C8B: variants seen among roughly 807,000 people sequenced by gnomAD.
The protein encoded by C8B is complement C8 beta chain, also known as complement component C8 beta chain.
C8B carries 67 observed loss-of-function variants against 64.6 expected under a neutral mutation model. That is an observed-to-expected ratio of 1.04 (90% CI 0.85 to 1.27). The LOEUF (loss-of-function observed/expected upper bound fraction) is 1.27, where lower values mean the gene tolerates loss of function less well. Among genes scored for constraint, C8B ranks in the 50% most tolerant of loss-of-function variants. C8B has a pLI of 0.00. For missense variants in C8B, 790 were observed against 725.2 expected, an observed-to-expected ratio of 1.09 and a Z score of -1.03; for synonymous variants, 284 against 257.7, an observed-to-expected ratio of 1.10 and a Z score of -0.98.
chr1:56,963,574 G>A, intron 1 of C8B, among the ~76,000 whole-genome samples: 1 of 149,116 alleles, frequency 6.7e-6, no homozygotes, highest in Admixed American at 6.8e-5. Context: ...ACACAATGTG[G>A]AGGTTGGGGG....
At chr1:56,943,454 G>A (rs1012210351) in intron 8 of C8B, among the ~76,000 whole-genome samples, 22 of 152,162 alleles carry the variant, frequency 1.4e-4, no homozygotes, top group African/African-American at 5.3e-4. Context: ...ACATTATGTT[G>A]AATGGAAAAC....
At chr1:56,962,011 A>C (rs1290533773) in intron 1 of C8B, among the ~76,000 whole-genome samples, 1 of 152,196 alleles carries the variant, frequency 6.6e-6, no homozygotes, top group Non-Finnish European at 1.5e-5. Context: ...TGTATTTGAC[A>C]GCTCTGCAGG....
chr1:56,952,147 T>C lies in C8B; in HGVS notation c.567A>G (p.Pro189=). 2.5e-6 allele frequency: 4 copies of C among 1,614,188 alleles called. No individual in the cohort carries two copies. The South Asian group carries it at 3.3e-5, about 13-fold the overall frequency. ...CTGCATAATACCTGTGATCAAGAAC[T>C]GGGCCCTCAAAACTGTTTGTGAACA... ...INLFTNSFEG[P]VLDHRYYAGG... is the part of the protein sequence containing the mutation. Residue 189 remains proline (P), a synonymous_variant, in exon 5 of 12, where the codon CCA becomes CCG. Coordinates refer to ENST00000371237, the MANE Select transcript of C8B (RefSeq NM_000066.4).
At chr1:56,944,572 A>C (rs1644914139) in intron 7 of C8B, among the ~76,000 whole-genome samples, 1 of 152,266 alleles carries the variant, frequency 6.6e-6, no homozygotes, top group Admixed American at 6.5e-5. Flanking sequence ...TCTGTGGTCA[A>C]GAAAGTGTGA....
chr1:56,947,207 T>C (rs1167484986), intron 6 of C8B, among the ~76,000 whole-genome samples: 1 of 152,210 alleles, frequency 6.6e-6, no homozygotes, highest in African/African-American at 2.4e-5. Flanking sequence ...AGCAAAACCT[T>C]GCATGGCTTG....
In C8B at chr1:56,954,793, C is replaced by T. The variant is rs1288393838; in HGVS notation, c.426G>A (p.Gly142=). Residue 142 remains glycine, a synonymous_variant, in exon 4 of 12, where the codon GGG becomes GGA. Coordinates refer to ENST00000371237, the MANE Select transcript of C8B (RefSeq NM_000066.4). ...RCVNRRLLCN[G]DNDCGDQSDE... is the part of the protein sequence containing the mutation. The stretch of plus-strand genomic sequence containing the variant: ...CTGACTGGTCTCCACAGTCATTGTC[C>T]CCATTGCAAAGAAGTCTGCGGTTTA... 1.9e-6 allele frequency: 3 copies of T among 1,614,090 alleles called. No homozygotes were observed. The highest frequency in any genetic ancestry group is 3.3e-5 in the Admixed American group (2 of 60,018).
At position 56,945,946 on chromosome 1, in the gene C8B, T is replaced by C; in HGVS notation, c.980A>G (p.Glu327Gly). The change falls in exon 7 of 12, where the codon GAG becomes GGG. Residue 327 changes from glutamate to glycine, a missense_variant. Glu to Gly is a moderately conservative substitution (Grantham distance 98, BLOSUM62 -2). Coordinates refer to ENST00000371237, the MANE Select transcript of C8B (RefSeq NM_000066.4). ...FLQRVKRLPL[E>G]YSYGEYRDLF... ...ATCTCTGTATTCCCCGTAGCTGTAC[T>C]CCAGGGGCAGCCGCTTAACTCTCTG... 1 of 1,614,116 alleles carries C rather than the reference T, an allele frequency of 6.2e-7. No homozygotes were observed. Among genetic ancestry groups the C allele is most frequent in the Non-Finnish European group, 8.5e-7 (1 of 1,180,014 alleles).
At chr1:56,931,929 A>ACTC in intron 10 of C8B, 51 bp from the exon 11 acceptor site, 1 of 1,306,538 alleles carries the variant, frequency 7.7e-7, no homozygotes, top group Non-Finnish European at 1.1e-6. Flanking sequence ...GGAGCAAAGA[A>ACTC]CTCCTGGAGC....
Position 56,958,192 on chromosome 1 carries a change from A to G in C8B, c.250-1282T>C, listed in dbSNP as rs61767006. 3.6e-3 allele frequency among the ~76,000 whole-genome samples: 545 copies of G among 152,284 alleles called. 2 individuals carry two copies. The highest frequency in any genetic ancestry group is 6.4e-3 in the Non-Finnish European group (432 of 68,014). On this transcript the variant is annotated intron_variant, in intron 2 of 11. Coordinates refer to ENST00000371237, the MANE Select transcript of C8B (RefSeq NM_000066.4). Reference sequence around the variant, plus strand: ...TGATTACAGGATTTTATCCTGCGGCAATGAGAAACTGCTGCAGAGGAAGAA... The same window carrying G: ...TGATTACAGGATTTTATCCTGCGGCGATGAGAAACTGCTGCAGAGGAAGAA...
chr1:56,929,857 A>T (rs1644673448), intron 11 of C8B, among the ~76,000 whole-genome samples: 1 of 152,154 alleles, frequency 6.6e-6, no homozygotes, highest in Admixed American at 6.5e-5. Context: ...TGACTCCCCC[A>T]GTCCCCATCA....
intron 6 of C8B, among the ~76,000 whole-genome samples, chr1:56,948,613 G>A (rs1002730861): frequency 1.3e-5 from 2 of 152,140 alleles, no homozygotes; most frequent in African/African-American, 4.8e-5. Context: ...GAAGTGAGTC[G>A]AAGAGGGCAG....
intron 10 of C8B, among the ~76,000 whole-genome samples, chr1:56,932,947 C>T (rs1290800188): frequency 2.0e-5 from 3 of 152,100 alleles, no homozygotes; most frequent in Non-Finnish European, 4.4e-5. Flanking sequence ...CTGCAGTGAC[C>T]CCAACATGAC....
intron 1 of C8B, among the ~76,000 whole-genome samples, chr1:56,960,985 A>C (rs1411775254): frequency 6.6e-6 from 1 of 151,926 alleles, no homozygotes; most frequent in African/African-American, 2.4e-5. Context: ...ATGGAAAGCT[A>C]TGGAAGAGGA....
intron 5 of C8B, among the ~76,000 whole-genome samples, chr1:56,951,067 C>T (rs145958983): frequency 1.3e-5 from 2 of 152,242 alleles, no homozygotes; most frequent in Non-Finnish European, 2.9e-5. Context: ...GAGGAGCTAG[C>T]CTTCAAAATG....
chr1:56,930,516 C>A (rs1644685223), intron 11 of C8B, among the ~76,000 whole-genome samples: 1 of 152,144 alleles, frequency 6.6e-6, no homozygotes. Context: ...GGGAAGATGA[C>A]TGCTAGGGGC....
chr1:56,956,528 G>A (rs1229451014), intron 3 of C8B, among the ~76,000 whole-genome samples: 1 of 152,160 alleles, frequency 6.6e-6, no homozygotes, highest in African/African-American at 2.4e-5. Context: ...ATATGAAGAA[G>A]TAACCTCTTC....
chr1:56,965,046 A>G (rs544068761), intron 1 of C8B, among the ~76,000 whole-genome samples: 5 of 152,346 alleles, frequency 3.3e-5, no homozygotes, highest in African/African-American at 1.2e-4. Flanking sequence ...GCTGTGTCCC[A>G]TGGGTAGGAG....
chr1:56,964,086 G>T, intron 1 of C8B: 1 of 729,562 alleles, frequency 1.4e-6, no homozygotes, highest in Non-Finnish European at 1.7e-6. Context: ...CACCACACAT[G>T]CGTGAATCTT....
chr1:56,944,659 A>G (rs1398202094), intron 7 of C8B, among the ~76,000 whole-genome samples: 1 of 152,238 alleles, frequency 6.6e-6, no homozygotes, highest in East Asian at 1.9e-4. Flanking sequence ...GGAATCTATT[A>G]TGTGTTTTCC....
Sources: allele counts gnomAD v4.1 joint callset (sites outside exome capture counted in the v4.1 genomes callset), GRCh38; gene constraint gnomAD v4.1.1; transcripts MANE v1.5; gene names NCBI Gene and HGNC (gene_info 2026-07-23, HGNC 2026-07-21).